Variants in PKN2 observed in about 807,000 individuals in gnomAD.
PKN2 encodes the protein serine/threonine-protein kinase N2.
A neutral mutation model predicts 119.1 loss-of-function variants in PKN2; 38 were observed. That is an observed-to-expected ratio of 0.32 (90% CI 0.25 to 0.42). The LOEUF is 0.42. Among genes scored for constraint, PKN2 ranks in the 10% least tolerant of loss-of-function variants. The pLI is 1.00. For synonymous variants in PKN2, 390 were observed against 384.9 expected (o/e 1.01, Z -0.15); for missense variants, 850 against 1,165.1 (o/e 0.73, Z 3.94).
At chr1:88,744,179 C>T (rs192718496) in intron 2 of PKN2, among the ~76,000 whole-genome samples, 1 of 152,216 alleles carries the variant, frequency 6.6e-6, no homozygotes, top group Admixed American at 6.5e-5. Context: ...TTTTACCTTG[C>T]ACACTAAGGT....
chr1:88,711,953 C>G (rs1667250552), intron 1 of PKN2, among the ~76,000 whole-genome samples: 1 of 151,912 alleles, frequency 6.6e-6, no homozygotes, highest in Non-Finnish European at 1.5e-5. Flanking sequence ...ATTGAACTGG[C>G]AAGAGAAATA....
Position 88,804,853 on chromosome 1 carries a change from T to A in PKN2, c.1433T>A (p.Phe478Tyr). The stretch of plus-strand genomic sequence containing the variant: ...GAATTTTCTTCACTGCAGGTTACCT[T>A]TTTTAATCCAGTTATTGAAAGAAGA... ...PQGTLFAEVT[F>Y]FNPVIERRPK... Residue 478 changes from phenylalanine (F) to tyrosine (Y), a missense_variant, in exon 10 of 22, where the codon TTT (phenylalanine) becomes TAT (tyrosine). Phe to Tyr is a conservative substitution (Grantham distance 22, BLOSUM62 3). Transcript: ENST00000370521. 6.4e-7 allele frequency: 1 copy of A among 1,562,376 alleles called. No homozygotes were observed. The highest frequency in any genetic ancestry group is 8.7e-7 in the Non-Finnish European group (1 of 1,143,454).
At chr1:88,767,380 A>G (rs982223986) in intron 3 of PKN2, among the ~76,000 whole-genome samples, 3 of 152,330 alleles carry the variant, frequency 2.0e-5, no homozygotes, top group Middle Eastern at 3.4e-3. Flanking sequence ...GCTTTGGAAT[A>G]CTTTTACTCT....
chr1:88,717,965 A>G (rs112214043), intron 1 of PKN2, among the ~76,000 whole-genome samples: 6,139 of 152,180 alleles, frequency 0.04, 277 homozygotes, highest in African/African-American at 0.1. Context: ...ATGGTGACCT[A>G]CAGATGAGGT....
intron 2 of PKN2, among the ~76,000 whole-genome samples, chr1:88,745,049 G>C (rs1668719838): frequency 6.6e-6 from 1 of 152,104 alleles, no homozygotes; most frequent in Non-Finnish European, 1.5e-5. Context: ...AAGCATTTAA[G>C]AAAATTCAAC....
chr1:88,684,639 C>T lies in PKN2; in HGVS notation c.48+11C>T. 1 of 1,546,424 alleles carries T rather than the reference C, an allele frequency of 6.5e-7. No individual in the cohort carries two copies. Among genetic ancestry groups the T allele is most frequent in the Non-Finnish European group, 8.7e-7 (1 of 1,146,998 alleles). ...CTCACGGAACTGCAGGTAAGGGCCG[C>T]GGCCCTGGTGAGAGGCGCTGGCGGA... On this transcript the variant is annotated intron_variant, in intron 1 of 21. Transcript: ENST00000370521.
At chr1:88,764,720 C>G (rs1453117965) in intron 3 of PKN2, among the ~76,000 whole-genome samples, 1 of 152,100 alleles carries the variant, frequency 6.6e-6, no homozygotes, top group African/African-American at 2.4e-5. Flanking sequence ...TTATTGTCAG[C>G]ACAAGGATCT....
At chr1:88,781,863 A>AT (rs1475437119) in intron 6 of PKN2, among the ~76,000 whole-genome samples, 1 of 152,090 alleles carries the variant, frequency 6.6e-6, no homozygotes, top group Non-Finnish European at 1.5e-5. Flanking sequence ...AGAAACACAA[A>AT]TTTTTTAACT....
chr1:88,688,373 C>T (rs949328881), intron 1 of PKN2, among the ~76,000 whole-genome samples: 7 of 152,186 alleles, frequency 4.6e-5, no homozygotes, highest in South Asian at 2.1e-4. Context: ...GTGTGAGCCA[C>T]CATGCCCGGC....
chr1:88,730,669 GT>G (rs1013153272), intron 1 of PKN2, among the ~76,000 whole-genome samples: 7 of 152,222 alleles, frequency 4.6e-5, no homozygotes, highest in African/African-American at 1.7e-4. Flanking sequence ...TTTTATTATT[GT>G]TTTTTAAGTG....
chr1:88,753,646 G>C (rs1248669336), intron 2 of PKN2, among the ~76,000 whole-genome samples: 1 of 147,038 alleles, frequency 6.8e-6, no homozygotes, highest in Non-Finnish European at 1.5e-5. Flanking sequence ...CGAAAGAGAA[G>C]CAAACCCGTC....
intron 1 of PKN2, among the ~76,000 whole-genome samples, chr1:88,730,650 G>T (rs1668111500): frequency 6.6e-6 from 1 of 152,164 alleles, no homozygotes; most frequent in African/African-American, 2.4e-5. Flanking sequence ...CAAAATGGGA[G>T]GTTTTCTTTT....
intron 8 of PKN2, among the ~76,000 whole-genome samples, chr1:88,802,029 G>T (rs944805277): frequency 2.0e-5 from 3 of 152,186 alleles, no homozygotes; most frequent in Non-Finnish European, 4.4e-5. Context: ...AAATAAGGAA[G>T]GGGCATAAGC....
intron 16 of PKN2, among the ~76,000 whole-genome samples, chr1:88,820,751 C>G (rs1193988499): frequency 6.6e-6 from 1 of 151,998 alleles, no homozygotes; most frequent in Non-Finnish European, 1.5e-5. Flanking sequence ...TTTGGAGAAG[C>G]ATATTACGTT....
intron 8 of PKN2, among the ~76,000 whole-genome samples, chr1:88,797,457 C>T (rs1671121270): frequency 6.6e-6 from 1 of 151,480 alleles, no homozygotes; most frequent in Non-Finnish European, 1.5e-5. Context: ...TCCTTGCCAA[C>T]ATGGTGAAAC....
chr1:88,786,656 C>T (rs1670589168), intron 8 of PKN2, among the ~76,000 whole-genome samples: 1 of 151,970 alleles, frequency 6.6e-6, no homozygotes. Context: ...CAGTCTGTGG[C>T]CATAGAACCC....
rs977488178 is a variant in PKN2, at chr1:88,794,291, C to T, written c.1281+8078C>T. Reference sequence around the variant, plus strand: ...CTTAGGCAGGAGAATCACTTGAACCCGAGAGGCGGAGGTTGCGGTGAGCCG... The same window carrying T: ...CTTAGGCAGGAGAATCACTTGAACCTGAGAGGCGGAGGTTGCGGTGAGCCG... On this transcript the variant is annotated intron_variant, in intron 8 of 21. Transcript: ENST00000370521. Among the ~76,000 whole-genome samples the T allele has an allele frequency of 8.0e-5, 12 of 150,722 alleles. No homozygotes were observed. The South Asian group carries it at 1.5e-3, about 18-fold the overall frequency.
intron 3 of PKN2, among the ~76,000 whole-genome samples, chr1:88,760,786 T>G (rs957463213): frequency 3.3e-5 from 5 of 152,198 alleles, no homozygotes; most frequent in South Asian, 2.1e-4. Flanking sequence ...TGTTGTTGTT[T>G]TTTTTGTTTT....
chr1:88,801,156 G>A (rs894480728), intron 8 of PKN2, among the ~76,000 whole-genome samples: 1 of 152,116 alleles, frequency 6.6e-6, no homozygotes, highest in Non-Finnish European at 1.5e-5. Flanking sequence ...GAGCCAAGAC[G>A]GGTGGATCAC....
Sources: gnomAD v4.1 joint callset for allele counts (sites outside exome capture counted in the v4.1 genomes callset) on GRCh38, gnomAD v4.1.1 for gene constraint, MANE v1.5 for transcripts, NCBI Gene and HGNC (gene_info 2026-07-23, HGNC 2026-07-21) for gene names.